FAM178B: variants seen among roughly 807,000 people sequenced by gnomAD.
The protein encoded by FAM178B is protein FAM178B.
In FAM178B, 82 loss-of-function variants were observed where a neutral mutation model predicts 91.7. The ratio of observed to expected loss-of-function variants is 0.89; its 90% CI spans 0.75 to 1.07. The LOEUF (loss-of-function observed/expected upper bound fraction) is 1.07. Ranked by LOEUF, FAM178B falls within the 50% of genes least tolerant of loss-of-function variation. The pLI, the probability that FAM178B is intolerant of heterozygous loss-of-function variation, is 0.00. For synonymous variants in FAM178B, 368 were observed against 359.4 expected (o/e 1.02, Z -0.27); for missense variants, 769 against 846.7 (o/e 0.91, Z 1.14).
intron 12 of FAM178B, among the ~76,000 whole-genome samples, chr2:96,913,330 G>A (rs1176181369): frequency 6.6e-6 from 1 of 152,200 alleles, no homozygotes. Context: ...GGGGTCAAGA[G>A]CCAAGGTGGG....
At chr2:96,899,851 CTTTTTTTT>C (rs78433909) in intron 13 of FAM178B, among the ~76,000 whole-genome samples, 15 of 113,514 alleles carry the variant, frequency 1.3e-4, no homozygotes, top group South Asian at 3.8e-4. Flanking sequence ...ATTCCCCACT[CTTTTTTTT>C]TTTTTTTTTT....
chr2:96,924,007 C>A (rs181091058), intron 9 of FAM178B, among the ~76,000 whole-genome samples: 4 of 152,332 alleles, frequency 2.6e-5, no homozygotes, highest in Admixed American at 2.6e-4. Context: ...AACCTAACCT[C>A]GAAAGTGACA....
intron 12 of FAM178B, among the ~76,000 whole-genome samples, chr2:96,920,810 G>A (rs974643888): frequency 6.6e-6 from 1 of 150,850 alleles, no homozygotes; most frequent in African/African-American, 2.5e-5. Flanking sequence ...AGGATGAATC[G>A]AGAGTGTGCG....
intron 12 of FAM178B, among the ~76,000 whole-genome samples, chr2:96,913,054 T>C (rs554999393): frequency 6.6e-6 from 1 of 152,330 alleles, no homozygotes; most frequent in African/African-American, 2.4e-5. Flanking sequence ...ACGCATTTAT[T>C]TGCTGCAGAG....
intron 13 of FAM178B, among the ~76,000 whole-genome samples, chr2:96,902,109 A>ATTTTTTTT (rs373394292): frequency 0.11 from 14,753 of 137,886 alleles, 881 homozygotes; most frequent in Middle Eastern, 0.2. Context: ...TTTTACTACA[A>ATTTTTTTT]TTTTTTTTTT....
intron 1 of FAM178B, among the ~76,000 whole-genome samples, chr2:96,985,869 C>T (rs1463228071): frequency 6.6e-6 from 1 of 152,216 alleles, no homozygotes; most frequent in Admixed American, 6.5e-5. Flanking sequence ...CCACATCCAT[C>T]AAACCGGGCA....
Position 96,877,980 on chromosome 2 carries a change from G to A in FAM178B, c.1917C>T (p.Ser639=), listed in dbSNP as rs1277685132. The stretch of plus-strand genomic sequence containing the variant: ...GCATGGTGCGGTGCATGGCCTGGGG[G>A]CTCTCCCGGATCTGCGTGCTGATGT... ...DRHISTQIRE[S]PQAMHRTMLK... Residue 639 remains serine (S), a synonymous_variant, in exon 16 of 17, where the codon AGC becomes AGT. Transcript: ENST00000490605. 6.2e-7 allele frequency: 1 copy of A among 1,613,528 alleles called. No individual in the cohort carries two copies. Among genetic ancestry groups the A allele is most frequent in the Admixed American group, 1.7e-5 (1 of 60,022 alleles).
chr2:96,961,125 G>A (rs888807477), intron 5 of FAM178B, among the ~76,000 whole-genome samples: 6 of 152,170 alleles, frequency 3.9e-5, no homozygotes, highest in South Asian at 2.1e-4. Context: ...AAGAAGGGAC[G>A]AGGAGAAGGG....
rs2082166987 is a variant in FAM178B at position 96,967,922 on chromosome 2, T to TTTTTTTTTTTC, written c.627-296_627-295insGAAAAAAAAAA. Among the ~76,000 whole-genome samples, 2 of 135,584 alleles carry TTTTTTTTTTTC rather than the reference T, an allele frequency of 1.5e-5. 1 individual carries two copies. Among genetic ancestry groups the TTTTTTTTTTTC allele is most frequent in the Non-Finnish European group, 3.2e-5 (2 of 61,620 alleles). The allele number at this position is 135,584 out of a possible 152,430, so 88.9% of individuals were successfully genotyped here. On this transcript the variant is annotated intron_variant, in intron 4 of 16. Coordinates refer to ENST00000490605, the MANE Select transcript of FAM178B (RefSeq NM_001122646.3). Reference sequence around the variant, plus strand: ...GTACCCTGTTTGGTCTTTTTTTTTTTTTTTTTTTTTTTTTTTGATACCAGA... The same window carrying TTTTTTTTTTTC: ...GTACCCTGTTTGGTCTTTTTTTTTTTTTTTTTTTTTCTTTTTTTTTTTTTTTTGATACCAGA...
Position 96,986,527 on chromosome 2 carries a change from C to T in FAM178B, c.-214G>A. ...GATTGAGTTCCGACTCCAAACCAAG[C>T]GGCCAGCTCACAGCCGCCGCCGCCG... On this transcript the variant is annotated 5_prime_UTR_variant, in exon 1 of 17. Transcript: ENST00000490605. 3.4e-6 allele frequency: 2 copies of T among 590,694 alleles called. No individual in the cohort carries two copies. The highest frequency in any genetic ancestry group is 2.8e-6 in the Non-Finnish European group (1 of 351,268). The allele number at this position is 590,694 out of a possible 1,614,324, so 36.6% of individuals were successfully genotyped here.
chr2:96,986,209 C>T, intron 1 of FAM178B, 32 bp downstream of exon 1: 2 of 1,534,174 alleles, frequency 1.3e-6, no homozygotes, highest in Non-Finnish European at 1.7e-6. Flanking sequence ...TAACCACGCG[C>T]CCCTGCGGTT....
chr2:96,962,775 A>G (rs1285597899), intron 5 of FAM178B, among the ~76,000 whole-genome samples: 1 of 152,214 alleles, frequency 6.6e-6, no homozygotes, highest in Non-Finnish European at 1.5e-5. Flanking sequence ...GCATGCACAG[A>G]TGCTTGCTCG....
chr2:96,937,019 C>T (rs111589950), intron 8 of FAM178B, among the ~76,000 whole-genome samples: 31,178 of 151,912 alleles, frequency 0.21, 5,566 homozygotes, highest in African/African-American at 0.48. Flanking sequence ...CCAGAGTAGC[C>T]AGGACTACAG....
At position 96,939,898 on chromosome 2, in the gene FAM178B, T is replaced by G. The variant is rs76998162; in HGVS notation, c.1078+7920A>C. On this transcript the variant is annotated intron_variant, in intron 8 of 16. Coordinates refer to ENST00000490605, the MANE Select transcript of FAM178B (RefSeq NM_001122646.3). ...AGCTCTCTGGAAATGTCACCTATTA[T>G]TTTCAATTAAACTGCTTTTATTATC... Among the ~76,000 whole-genome samples the G allele has an allele frequency of 2.2e-4, 34 of 152,308 alleles. No homozygotes were observed. In the East Asian group the frequency reaches 3.7e-3, roughly 16 times the overall value.
chr2:96,942,494 G>A (rs184810973), intron 8 of FAM178B, among the ~76,000 whole-genome samples: 1 of 152,144 alleles, frequency 6.6e-6, no homozygotes, highest in African/African-American at 2.4e-5. Context: ...CTAGGTTCAC[G>A]CCATTCTCCT....
chr2:96,967,909 G>GTTTTTTTTT (rs1318481195), intron 4 of FAM178B, among the ~76,000 whole-genome samples: 2 of 40,226 alleles, frequency 5.0e-5, no homozygotes, highest in African/African-American at 5.6e-5. Flanking sequence ...ACCCTGTTTG[G>GTTTTTTTTT]TCTTTTTTTT....
Position 96,972,010 on chromosome 2 carries a change from T to C in FAM178B, c.455A>G (p.Glu152Gly), listed in dbSNP as rs1273337844. The C allele has an allele frequency of 6.4e-7, 1 of 1,554,602 alleles. No individual in the cohort carries two copies. ...GTCCAGGTGTTCCTGCTCCAACTCCTCGGGCAGCTCACCAGCCAGTCTCCT... is the reference window on the plus strand; with the variant it reads ...GTCCAGGTGTTCCTGCTCCAACTCCCCGGGCAGCTCACCAGCCAGTCTCCT... ...GLRRLAGELP[E>G]ELEQEHLDLD... The change falls in exon 3 of 17, where the codon GAG becomes GGG. Residue 152 changes from glutamate (E) to glycine (G), a missense_variant. Transcript: ENST00000490605.
At chr2:96,878,682 G>A (rs187376967) in intron 14 of FAM178B, among the ~76,000 whole-genome samples, 189 bp from the exon 15 acceptor site, 1 of 152,312 alleles carries the variant, frequency 6.6e-6, no homozygotes, top group East Asian at 1.9e-4. Context: ...GCTCTGGGCT[G>A]GCACTCACTT....
intron 9 of FAM178B, among the ~76,000 whole-genome samples, chr2:96,928,536 C>T (rs1471022486): frequency 2.0e-5 from 3 of 152,116 alleles, no homozygotes; most frequent in South Asian, 2.1e-4. Context: ...TAAAAGCATG[C>T]CCTGCTGTTC....
Sources: allele counts gnomAD v4.1 joint callset (sites outside exome capture counted in the v4.1 genomes callset), GRCh38; gene constraint gnomAD v4.1.1; transcripts MANE v1.5; gene names NCBI Gene and HGNC (gene_info 2026-07-23, HGNC 2026-07-21).